The following CFAP58 variants were observed in gnomAD, a reference collection of about 807,000 sequenced individuals.
CFAP58 encodes the protein cilia and flagella associated protein 58.
CFAP58 carries 88 observed loss-of-function variants against 119.5 expected under a neutral mutation model. That is an observed-to-expected ratio of 0.74 (90% CI 0.62 to 0.88). The LOEUF is 0.88. Among genes scored for constraint, CFAP58 ranks in the 40% least tolerant of loss-of-function variants. The pLI, the probability that CFAP58 is intolerant of heterozygous loss-of-function variation, is 0.00. For missense variants in CFAP58, 990 were observed against 1,021.2 expected (o/e 0.97, Z 0.42); for synonymous variants, 365 against 366.3 (o/e 1.00, Z 0.04).
Position 104,380,102 on chromosome 10 carries a change from A to G in CFAP58, c.1247A>G (p.Asn416Ser), listed in dbSNP as rs946118718. The G allele has an allele frequency of 1.2e-6, 2 of 1,614,054 alleles. No individual in the cohort carries two copies. The highest frequency in any genetic ancestry group is 3.3e-5 in the Admixed American group (2 of 59,992). Reference protein sequence around the residue: ...LVKLHEQAKRNLEGEIQNYKD... With the variant: ...LVKLHEQAKRSLEGEIQNYKD... Reference sequence around the variant, plus strand: ...AAGCTCCATGAACAAGCCAAGAGGAACCTGGAGGGAGAAATCCAGAACTAC... The same window carrying G: ...AAGCTCCATGAACAAGCCAAGAGGAGCCTGGAGGGAGAAATCCAGAACTAC... The change falls in exon 9 of 18, where the codon AAC (asparagine) becomes AGC (serine). Residue 416 changes from asparagine to serine, a missense_variant. Transcript: ENST00000369704.
At chr10:104,414,667 T>A (rs12243524) in intron 15 of CFAP58, among the ~76,000 whole-genome samples, 24,799 of 152,074 alleles carry the variant, frequency 0.16, 2,202 homozygotes, top group Middle Eastern at 0.33. Flanking sequence ...ATTTAATTTT[T>A]ATTTTTATTT....
chr10:104,370,650 A>G (rs915170483), intron 6 of CFAP58, among the ~76,000 whole-genome samples: 1 of 152,232 alleles, frequency 6.6e-6, no homozygotes, highest in Non-Finnish European at 1.5e-5. Context: ...AACTTGAAAC[A>G]AAATTTTTCA....
chr10:104,357,845 GTACACATATA>G (rs57307099), intron 1 of CFAP58, among the ~76,000 whole-genome samples: 26,930 of 91,194 alleles, frequency 0.3, 3,660 homozygotes, highest in Middle Eastern at 0.46. Context: ...GTACACATAT[GTACACATATA>G]TACACATATA....
chr10:104,447,887 C>T, intron 16 of CFAP58, 70 bp downstream of exon 16: 1 of 1,485,960 alleles, frequency 6.7e-7, no homozygotes, highest in Non-Finnish European at 9.0e-7. Flanking sequence ...CTGGACAAGT[C>T]CACTGACTCC....
chr10:104,382,132 T>A (rs1323965109), intron 9 of CFAP58: 1 of 717,428 alleles, frequency 1.4e-6, no homozygotes, highest in Non-Finnish European at 2.6e-6. Flanking sequence ...CCAGGCTGAC[T>A]CTGTCAGGAT....
intron 15 of CFAP58, among the ~76,000 whole-genome samples, chr10:104,426,836 T>A (rs1235636547): frequency 2.0e-5 from 3 of 152,226 alleles, no homozygotes; most frequent in Admixed American, 2.0e-4. Context: ...GGTTTCTAGG[T>A]ATGTAATCAT....
chr10:104,338,724 C>T, the CFAP58 span, among the ~76,000 whole-genome samples: 1 of 152,196 alleles, frequency 6.6e-6, no homozygotes, highest in Non-Finnish European at 1.5e-5. Context: ...AAAAGTCGTC[C>T]TAAGCCGCGG....
intron 2 of CFAP58, among the ~76,000 whole-genome samples, chr10:104,359,896 A>T (rs1394553124): frequency 6.6e-6 from 1 of 152,250 alleles, no homozygotes; most frequent in East Asian, 1.9e-4. Flanking sequence ...GGTAAAGTTG[A>T]TTTGGATAAA....
intron 11 of CFAP58, among the ~76,000 whole-genome samples, 188 bp downstream of exon 11, chr10:104,393,663 T>A (rs2012098066): frequency 6.6e-6 from 1 of 152,158 alleles, no homozygotes; most frequent in African/African-American, 2.4e-5. Flanking sequence ...AGGTCAGGGC[T>A]CCTTACAGGT....
intron 9 of CFAP58, among the ~76,000 whole-genome samples, chr10:104,386,025 A>T (rs1234797848): frequency 6.6e-6 from 1 of 151,596 alleles, no homozygotes; most frequent in African/African-American, 2.4e-5. Flanking sequence ...TCTTTGGGTG[A>T]TAAGGATACA....
At chr10:104,423,000 T>C (rs2012685591) in intron 15 of CFAP58, among the ~76,000 whole-genome samples, 1 of 152,254 alleles carries the variant, frequency 6.6e-6, no homozygotes, top group African/African-American at 2.4e-5. Flanking sequence ...ATAATAATTG[T>C]ACTAAGATTT....
chr10:104,428,813 G>A (rs913859983), intron 15 of CFAP58, among the ~76,000 whole-genome samples: 2 of 152,196 alleles, frequency 1.3e-5, no homozygotes, highest in Non-Finnish European at 2.9e-5. Context: ...AGTTTAGGTA[G>A]CACTGATGAC....
intron 2 of CFAP58, among the ~76,000 whole-genome samples, chr10:104,361,754 C>T (rs2014668659): frequency 6.6e-6 from 1 of 152,170 alleles, no homozygotes; most frequent in Non-Finnish European, 1.5e-5. Context: ...GGCATGATTG[C>T]AGCTCACTGC....
At chr10:104,360,260 A>T (rs1214903355) in intron 2 of CFAP58, among the ~76,000 whole-genome samples, 1 of 152,256 alleles carries the variant, frequency 6.6e-6, no homozygotes, top group Non-Finnish European at 1.5e-5. Flanking sequence ...GTTGGTCACC[A>T]CATTGCATTA....
At chr10:104,414,996 C>T (rs540516760) in intron 15 of CFAP58, among the ~76,000 whole-genome samples, 128 of 152,286 alleles carry the variant, frequency 8.4e-4, no homozygotes, top group African/African-American at 3.0e-3. Flanking sequence ...CCTTGTGTTG[C>T]CGGCCTGCCC....
chr10:104,368,453 G>A lies in CFAP58; in HGVS notation c.823G>A (p.Glu275Lys). 1.9e-6 allele frequency: 3 copies of A among 1,613,854 alleles called. No individual in the cohort carries two copies. The highest frequency in any genetic ancestry group is 2.5e-6 in the Non-Finnish European group (3 of 1,179,864). ...GAATGAGAGAGCTGCAAAGGAACTC[G>A]AGCAATTTCAGATGAGAAATGCTAA... ...ILNERAAKELEQFQMRNAKLQ... is the reference protein window; with the variant it reads ...ILNERAAKELKQFQMRNAKLQ... Residue 275 changes from glutamate (E) to lysine (K), a missense_variant, in exon 6 of 18, where the codon GAG (glutamate) becomes AAG (lysine). Transcript: ENST00000369704.
At chr10:104,362,676 G>A (rs11192023) in intron 3 of CFAP58, among the ~76,000 whole-genome samples, 1 of 152,142 alleles carries the variant, frequency 6.6e-6, no homozygotes, top group African/African-American at 2.4e-5. Flanking sequence ...CTACTGCCTT[G>A]GTTCAGGCCT....
At chr10:104,370,813 T>C (rs2014812335) in intron 6 of CFAP58, 82 bp from the exon 7 acceptor site, 6 of 1,243,832 alleles carry the variant, frequency 4.8e-6, no homozygotes, top group Non-Finnish European at 6.6e-6. Flanking sequence ...AATTTCCTTT[T>C]ATTGGTTCTG....
chr10:104,435,473 C>T (rs1009416298), intron 15 of CFAP58, among the ~76,000 whole-genome samples: 2 of 152,168 alleles, frequency 1.3e-5, no homozygotes, highest in Admixed American at 6.5e-5. Flanking sequence ...CAGAGTGAGA[C>T]CCTGTCTCTG....
Sources: allele counts gnomAD v4.1 joint callset (sites outside exome capture counted in the v4.1 genomes callset), GRCh38; gene constraint gnomAD v4.1.1; transcripts MANE v1.5; gene names NCBI Gene and HGNC (gene_info 2026-07-23, HGNC 2026-07-21).